Variants in BACE1 observed in about 807,000 individuals in gnomAD.
The protein encoded by BACE1 is APP beta-secretase.
Under a neutral mutation model 54.0 loss-of-function variants are expected in BACE1, and 21 were observed. The ratio of observed to expected loss-of-function variants is 0.39; its 90% CI spans 0.28 to 0.56. The LOEUF (loss-of-function observed/expected upper bound fraction) is 0.56. Among genes scored for constraint, BACE1 ranks in the 20% least tolerant of loss-of-function variants. BACE1 has a pLI of 0.63. For missense variants in BACE1, 511 were observed against 661.2 expected (o/e 0.77, Z 2.49); for synonymous variants, 232 against 260.9 (o/e 0.89, Z 1.07).
rs780893787 is a variant in BACE1, at chr11:117,293,821, C to T, written c.705+50G>A. ...CTTTCAGGAAGGGGAGAGGATGGCACCCATCTCTCCCTCAATGCCAGGACC... is the reference window on the plus strand; with the variant it reads ...CTTTCAGGAAGGGGAGAGGATGGCATCCATCTCTCCCTCAATGCCAGGACC... On this transcript the variant is annotated intron_variant, in intron 4 of 8. Transcript: ENST00000313005. The surrounding 1 kb of genome is among the most constrained non-coding windows in gnomAD (Gnocchi z 4.1). The T allele has an allele frequency of 3.1e-5, 49 of 1,563,414 alleles. No individual in the cohort carries two copies. Among genetic ancestry groups the T allele is most frequent in the Non-Finnish European group, 3.9e-5 (45 of 1,155,116 alleles).
chr11:117,290,839 G>A (rs2034406031), intron 7 of BACE1, 61 bp downstream of exon 7: 1 of 1,584,488 alleles, frequency 6.3e-7, no homozygotes, highest in East Asian at 2.2e-5. Context: ...AGCCATACCT[G>A]CTCACTGTCT....
intron 1 of BACE1, among the ~76,000 whole-genome samples, chr11:117,311,596 G>A (rs1364787775): frequency 6.6e-6 from 1 of 152,098 alleles, no homozygotes; most frequent in South Asian, 2.1e-4. Flanking sequence ...CACCTGGACT[G>A]TTGTGACAGC....
chr11:117,291,831 GAGTT>G lies in BACE1; in HGVS notation c.841-22_841-19del. 6.3e-7 allele frequency: 1 copy of G among 1,575,834 alleles called. No homozygotes were observed. Among genetic ancestry groups the G allele is most frequent in the Non-Finnish European group, 8.7e-7 (1 of 1,146,120 alleles). On this transcript the variant is annotated intron_variant, in intron 5 of 8. Coordinates refer to ENST00000313005, the MANE Select transcript of BACE1 (RefSeq NM_012104.6). ...TAGTTGTACTAAGAGGGAAAAGAGA[GAGTT>G]AAAAGAGTCAAAAGGTTTTTGATGC... is the stretch of plus-strand genomic sequence containing the variant.
In BACE1 at chr11:117,293,427, G is replaced by C. The variant is rs1357456782; in HGVS notation, c.706-239C>G. 3 of 370,762 alleles carry C rather than the reference G, an allele frequency of 8.1e-6. No individual in the cohort carries two copies. Among genetic ancestry groups the C allele is most frequent in the Non-Finnish European group, 1.4e-5 (3 of 211,232 alleles). The allele number at this position is 370,762 out of a possible 1,614,324, so 23.0% of individuals were successfully genotyped here. A position where few individuals can be genotyped will look rare whatever the true frequency, so the allele number is the denominator to read the frequency against. ...TTTGTTTCAGAATCATACAGCCCTTGATATAAAGTTATTTAAATCTAAACT... is the reference window on the plus strand; with the variant it reads ...TTTGTTTCAGAATCATACAGCCCTTCATATAAAGTTATTTAAATCTAAACT... On this transcript the variant is annotated intron_variant, in intron 4 of 8. Transcript: ENST00000313005. This position sits in a 1 kb window ranked among gnomAD's most constrained non-coding sequence, Gnocchi z 4.1.
chr11:117,291,950 A>G (rs933167652), intron 5 of BACE1, 137 bp from the exon 6 acceptor site: 4 of 564,372 alleles, frequency 7.1e-6, no homozygotes, highest in Non-Finnish European at 1.3e-5. Flanking sequence ...TGCTTGGACA[A>G]GTTAACCTCT....
chr11:117,293,513 T>G lies in BACE1; in HGVS notation c.706-325A>C, dbSNP rs2034514045. ...ATATTATAAGTTTTATTTTCTCTGCTTATTGGAGAACCATTCACCATTGTT... is the reference window on the plus strand; with the variant it reads ...ATATTATAAGTTTTATTTTCTCTGCGTATTGGAGAACCATTCACCATTGTT... On this transcript the variant is annotated intron_variant, in intron 4 of 8. Transcript: ENST00000313005. This position sits in a 1 kb window ranked among gnomAD's most constrained non-coding sequence, Gnocchi z 4.1. 3.6e-6 allele frequency: 1 copy of G among 280,280 alleles called. No individual in the cohort carries two copies. The highest frequency in any genetic ancestry group is 6.5e-6 in the Non-Finnish European group (1 of 153,310). The allele number at this position is 280,280 out of a possible 1,614,324, so 17.4% of individuals were successfully genotyped here. A position where few individuals can be genotyped will look rare whatever the true frequency, so the allele number is the denominator to read the frequency against.
chr11:117,290,718 C>T (rs1233695212), intron 7 of BACE1, 59 bp from the exon 8 acceptor site: 2 of 1,596,912 alleles, frequency 1.3e-6, no homozygotes, highest in Admixed American at 1.7e-5. Context: ...CCCATCTCTG[C>T]CTTGTAGGCA....
intron 1 of BACE1, among the ~76,000 whole-genome samples, chr11:117,313,011 A>T (rs1478221071): frequency 6.6e-6 from 1 of 152,198 alleles, no homozygotes; most frequent in Non-Finnish European, 1.5e-5. Context: ...GCCCCCAGGC[A>T]CCACCAATTA....
intron 1 of BACE1, chr11:117,297,290 G>A (rs1208067336): frequency 7.5e-6 from 2 of 268,420 alleles, no homozygotes; most frequent in South Asian, 4.9e-5. Flanking sequence ...TAGCCAGATG[G>A]TTGATGATTT....
Position 117,289,655 on chromosome 11 carries a change from G to C in BACE1, c.1417C>G (p.Leu473Val). The C allele has an allele frequency of 6.2e-7, 1 of 1,614,242 alleles. No individual in the cohort carries two copies. The highest frequency in any genetic ancestry group is 8.5e-7 in the Non-Finnish European group (1 of 1,180,046). ...AAICALFMLP[L>V]CLMVCQWRCL... ...CGCCACTGACACACCATGAGGCAGA[G>C]TGGCAGCATGAAGAGGGCGCAGATG... The change falls in exon 9 of 9, where the codon CTC becomes GTC. Residue 473 changes from leucine (L) to valine (V), a missense_variant. Coordinates refer to ENST00000313005, the MANE Select transcript of BACE1 (RefSeq NM_012104.6).
Position 117,293,785 on chromosome 11 carries a change from C to A in BACE1, c.705+86G>T. 7.0e-7 allele frequency: 1 copy of A among 1,419,162 alleles called. No homozygotes were observed. The highest frequency in any genetic ancestry group is 9.4e-7 in the Non-Finnish European group (1 of 1,062,978). 87.9% of individuals were successfully genotyped at this position (1,419,162 alleles called of 1,614,324 possible). ...CTGATTCTAAGTATCGGAGCCAAAA[C>A]TGTGGTGTAGCTTTCAGGAAGGGGA... On this transcript the variant is annotated intron_variant, in intron 4 of 8. Transcript: ENST00000313005. This position sits in a 1 kb window ranked among gnomAD's most constrained non-coding sequence, Gnocchi z 4.1.
intron 1 of BACE1, among the ~76,000 whole-genome samples, chr11:117,309,559 A>AAAAAC (rs1258483500): frequency 3.3e-5 from 5 of 152,236 alleles, no homozygotes; most frequent in African/African-American, 7.2e-5. Context: ...TCTCAAAAAC[A>AAAAAC]AAAACAAAAC....
intron 1 of BACE1, among the ~76,000 whole-genome samples, chr11:117,307,325 T>C (rs529623139): frequency 6.6e-6 from 1 of 152,258 alleles, no homozygotes; most frequent in Admixed American, 6.5e-5. Context: ...GATTTTCTTT[T>C]TTTGAGATGG....
chr11:117,302,611 G>T (rs980160270), intron 1 of BACE1, among the ~76,000 whole-genome samples: 1 of 152,186 alleles, frequency 6.6e-6, no homozygotes, highest in Admixed American at 6.5e-5. Context: ...GGCCAGGCGC[G>T]GTGGCTCACG....
chr11:117,304,964 CTTTTTT>C (rs59652945), intron 1 of BACE1, among the ~76,000 whole-genome samples: 1 of 125,510 alleles, frequency 8.0e-6, no homozygotes, highest in African/African-American at 3.0e-5. Context: ...TCTTCCTATT[CTTTTTT>C]TTTTTTTTTT....
At chr11:117,306,668 G>A (rs761248396) in intron 1 of BACE1, among the ~76,000 whole-genome samples, 2 of 152,204 alleles carry the variant, frequency 1.3e-5, no homozygotes, top group African/African-American at 2.4e-5. Flanking sequence ...TAAATTAGCC[G>A]GGTGTGGTTG....
chr11:117,310,298 C>A (rs2034918212), intron 1 of BACE1, among the ~76,000 whole-genome samples: 1 of 152,212 alleles, frequency 6.6e-6, no homozygotes, highest in Non-Finnish European at 1.5e-5. Context: ...TAGAGGCTTG[C>A]AGCTTATGTA....
At chr11:117,295,399 G>A in intron 2 of BACE1, 52 bp from the exon 3 acceptor site, 1 of 1,595,210 alleles carries the variant, frequency 6.3e-7, no homozygotes, top group Non-Finnish European at 8.5e-7. Context: ...CTGGTATAAG[G>A]ATCTAAGTTA....
chr11:117,296,830 T>C, intron 2 of BACE1, 43 bp downstream of exon 2: 1 of 1,471,530 alleles, frequency 6.8e-7, no homozygotes, highest in Non-Finnish European at 9.5e-7. Flanking sequence ...TAGCCCTGGA[T>C]CCTTGGAAAA....
Sources: allele counts gnomAD v4.1 joint callset (sites outside exome capture counted in the v4.1 genomes callset), GRCh38; gene constraint gnomAD v4.1.1; non-coding constraint Gnocchi (gnomAD v3.1); transcripts MANE v1.5; gene names NCBI Gene and HGNC (gene_info 2026-07-23, HGNC 2026-07-21).